The following CTNND2 variants were observed in gnomAD, a reference collection of about 807,000 sequenced individuals.
CTNND2 encodes catenin delta-2.
Under a neutral mutation model 144.4 loss-of-function variants are expected in CTNND2, and 22 were observed. The observed-to-expected ratio is 0.15, with a 90% confidence interval of 0.11 to 0.22. The LOEUF (loss-of-function observed/expected upper bound fraction) is 0.22, where lower values mean the gene tolerates loss of function less well. CTNND2 is among the 10% of genes least tolerant of loss of function. The pLI is 1.00. For missense variants in CTNND2, 1,353 were observed against 1,618.8 expected (o/e 0.84, Z 2.82); for synonymous variants, 751 against 695.6 (o/e 1.08, Z -1.25).
intron 7 of CTNND2, among the ~76,000 whole-genome samples, chr5:11,382,593 C>G (rs1758604485): frequency 1.8e-5 from 1 of 55,870 alleles, no homozygotes; most frequent in African/African-American, 6.4e-5. Flanking sequence ...CAGAGTGAGA[C>G]TCTGTGTGTG....
At chr5:11,414,106 G>T (rs1761747385) in intron 3 of CTNND2, among the ~76,000 whole-genome samples, 1 of 152,118 alleles carries the variant, frequency 6.6e-6, no homozygotes, top group African/African-American at 2.4e-5. Flanking sequence ...ATGGAGAAGG[G>T]CAGGCCATGT....
chr5:11,102,553 T>C (rs1288738877), intron 14 of CTNND2, among the ~76,000 whole-genome samples: 2 of 152,190 alleles, frequency 1.3e-5, no homozygotes, highest in African/African-American at 2.4e-5. Context: ...CAATAATGTA[T>C]CAGCACTTTT....
chr5:11,292,588 A>G (rs894550236), intron 9 of CTNND2, among the ~76,000 whole-genome samples: 18 of 152,086 alleles, frequency 1.2e-4, no homozygotes, highest in African/African-American at 4.3e-4. Flanking sequence ...TTCCTCCTTC[A>G]CACACTCTCT....
At chr5:11,697,746 C>A (rs1785204849) in intron 2 of CTNND2, among the ~76,000 whole-genome samples, 1 of 152,152 alleles carries the variant, frequency 6.6e-6, no homozygotes, top group Non-Finnish European at 1.5e-5. Flanking sequence ...AGTCTCTGTT[C>A]TTCAAAGTTT....
At chr5:11,681,965 C>G (rs1784437278) in intron 2 of CTNND2, among the ~76,000 whole-genome samples, 1 of 152,106 alleles carries the variant, frequency 6.6e-6, no homozygotes, top group Non-Finnish European at 1.5e-5. Context: ...GACTGGCCTT[C>G]TGACACATGA....
rs201379331 is a variant in CTNND2 at position 11,665,168 on chromosome 5, C to T, written c.174+66968G>A. On this transcript the variant is annotated intron_variant, in intron 2 of 21. Coordinates refer to ENST00000304623, the MANE Select transcript of CTNND2 (RefSeq NM_001332.4). ...TAATATTTGCTATTGGTGAATAGTG[C>T]ATCTCCGTTCAGAGCTTAATAGAGA... 3.3e-5 allele frequency among the ~76,000 whole-genome samples: 5 copies of T among 152,282 alleles called. No homozygotes were observed. In the East Asian group the frequency reaches 5.8e-4, roughly 18 times the overall value.
intron 3 of CTNND2, among the ~76,000 whole-genome samples, chr5:11,481,908 G>A (rs540209020): frequency 1.3e-5 from 2 of 152,104 alleles, no homozygotes; most frequent in African/African-American, 4.8e-5. Flanking sequence ...GCCCCAGAAG[G>A]CCCCATTTGA....
chr5:11,215,465 T>C (rs1228235400), intron 10 of CTNND2, among the ~76,000 whole-genome samples: 1 of 152,254 alleles, frequency 6.6e-6, no homozygotes. Flanking sequence ...ATTATAGATA[T>C]GCAGATGCCT....
At chr5:11,333,357 G>C (rs1416409470) in intron 9 of CTNND2, among the ~76,000 whole-genome samples, 1 of 151,986 alleles carries the variant, frequency 6.6e-6, no homozygotes, top group African/African-American at 2.4e-5. Context: ...TCGACTTCCT[G>C]GGCTCAAATG....
chr5:11,430,274 GT>G (rs144519157), intron 3 of CTNND2, among the ~76,000 whole-genome samples: 5 of 131,062 alleles, frequency 3.8e-5, no homozygotes, highest in Admixed American at 7.6e-5. Flanking sequence ...AAAAAAAGGA[GT>G]TTTTTTTTTC....
At chr5:11,533,795 C>G (rs1398812161) in intron 3 of CTNND2, among the ~76,000 whole-genome samples, 2 of 152,188 alleles carry the variant, frequency 1.3e-5, no homozygotes, top group African/African-American at 4.8e-5. Context: ...CTCAGGAGTT[C>G]TGGGATGGAC....
chr5:11,730,941 T>C lies in CTNND2; in HGVS notation c.174+1195A>G, dbSNP rs548902670. ...AACCCAACCATAACAAGGTAGTGTA[T>C]TGAGGATGGGGAGTGGTATTAACCC... On this transcript the variant is annotated intron_variant, in intron 2 of 21. Coordinates refer to ENST00000304623, the MANE Select transcript of CTNND2 (RefSeq NM_001332.4). Among the ~76,000 whole-genome samples, 5 of 152,268 alleles carry C rather than the reference T, an allele frequency of 3.3e-5. No homozygotes were observed. The East Asian group carries it at 5.8e-4, about 18-fold the overall frequency.
At chr5:11,284,021 T>C (rs1013317230) in intron 9 of CTNND2, among the ~76,000 whole-genome samples, 2 of 152,180 alleles carry the variant, frequency 1.3e-5, no homozygotes, top group South Asian at 4.1e-4. Flanking sequence ...TGTTTCTCAA[T>C]ACTGAGATGG....
At chr5:11,712,585 C>T (rs928060676) in intron 2 of CTNND2, among the ~76,000 whole-genome samples, 5 of 152,080 alleles carry the variant, frequency 3.3e-5, no homozygotes, top group Non-Finnish European at 7.4e-5. Flanking sequence ...TATTAAAGTA[C>T]TTGTAAAGTT....
chr5:11,666,669 T>C (rs1014134281), intron 2 of CTNND2, among the ~76,000 whole-genome samples: 1 of 152,192 alleles, frequency 6.6e-6, no homozygotes, highest in African/African-American at 2.4e-5. Context: ...CTGTAACGTA[T>C]GAGGGAAGGA....
At chr5:11,112,223 T>C (rs1753067517) in intron 13 of CTNND2, among the ~76,000 whole-genome samples, 1 of 152,166 alleles carries the variant, frequency 6.6e-6, no homozygotes, top group Non-Finnish European at 1.5e-5. Context: ...ATTGTTAAGC[T>C]AATCAGCTGC....
At chr5:11,129,186 A>C (rs2023918) in intron 12 of CTNND2, among the ~76,000 whole-genome samples, 1 of 47,698 alleles carries the variant, frequency 2.1e-5, no homozygotes, top group Non-Finnish European at 3.6e-5. Context: ...TTTTATATAT[A>C]ATATATAATA....
intron 1 of CTNND2, among the ~76,000 whole-genome samples, chr5:11,861,573 T>C (rs1284665982): frequency 6.6e-6 from 1 of 152,248 alleles, no homozygotes; most frequent in East Asian, 1.9e-4. Flanking sequence ...TGTCATCTTT[T>C]GTTCAGGCCC....
At chr5:11,407,330 A>T (rs1761177249) in intron 5 of CTNND2, among the ~76,000 whole-genome samples, 1 of 152,204 alleles carries the variant, frequency 6.6e-6, no homozygotes, top group Admixed American at 6.5e-5. Context: ...CACAGCCGGT[A>T]GTCACAAAAA....
Sources: gnomAD v4.1 joint callset for allele counts (sites outside exome capture counted in the v4.1 genomes callset) on GRCh38, gnomAD v4.1.1 for gene constraint, MANE v1.5 for transcripts, NCBI Gene and HGNC (gene_info 2026-07-23, HGNC 2026-07-21) for gene names.